CSGALNACT1: variants seen among roughly 807,000 people sequenced by gnomAD.
CSGALNACT1 encodes chondroitin sulfate N-acetylgalactosaminyltransferase 1, also known as beta4GalNAcT-1.
A neutral mutation model predicts 51.0 loss-of-function variants in CSGALNACT1; 52 were observed. The ratio of observed to expected loss-of-function variants is 1.02; its 90% confidence interval spans 0.82 to 1.29. The LOEUF (loss-of-function observed/expected upper bound fraction) is 1.29, where lower values mean the gene tolerates loss of function less well. CSGALNACT1 is among the 50% of genes most tolerant of loss of function. The probability of loss-of-function intolerance (pLI) is 0.00; values close to 1 mark genes in which losing one functional copy is unlikely to be tolerated. For missense variants in CSGALNACT1, 935 were observed against 679.2 expected, an observed-to-expected ratio of 1.38 and a Z score of -4.19; for synonymous variants, 341 against 254.4, an observed-to-expected ratio of 1.34 and a Z score of -3.24.
At chr8:19,553,161 C>T (rs975399553) in intron 3 of CSGALNACT1, among the ~76,000 whole-genome samples, 1 of 152,124 alleles carries the variant, frequency 6.6e-6, no homozygotes, top group African/African-American at 2.4e-5. Context: ...AACAAAACAA[C>T]ATTTCTAAAA....
intron 1 of CSGALNACT1, among the ~76,000 whole-genome samples, chr8:19,643,413 G>C (rs73214668): frequency 0.019 from 2,924 of 152,274 alleles, 53 homozygotes; most frequent in South Asian, 0.045. Flanking sequence ...AAGGCAGTAG[G>C]ATGACTTGAG....
chr8:19,666,690 T>C (rs928332560), intron 1 of CSGALNACT1, among the ~76,000 whole-genome samples: 4 of 142,298 alleles, frequency 2.8e-5, no homozygotes, highest in African/African-American at 1.1e-4. Context: ...AAACCAAGAC[T>C]GTCCCGGGAG....
intron 1 of CSGALNACT1, among the ~76,000 whole-genome samples, chr8:19,682,009 C>T (rs977700329): frequency 6.6e-6 from 1 of 152,312 alleles, no homozygotes; most frequent in African/African-American, 2.4e-5. Flanking sequence ...GAGGTGTAGA[C>T]AGACTTGGGA....
intron 3 of CSGALNACT1, among the ~76,000 whole-genome samples, chr8:19,566,560 T>C (rs2041948364): frequency 6.6e-6 from 1 of 152,176 alleles, no homozygotes; most frequent in Non-Finnish European, 1.5e-5. Flanking sequence ...ACAATAAATA[T>C]TAGTTACCAA....
intron 3 of CSGALNACT1, among the ~76,000 whole-genome samples, chr8:19,559,664 A>G (rs35989102): frequency 0.12 from 18,078 of 152,142 alleles, 1,299 homozygotes; most frequent in African/African-American, 0.21. Context: ...ATAAAAGCAA[A>G]CCGAAAATGA....
At chr8:19,585,595 T>A (rs1231470948) in intron 3 of CSGALNACT1, among the ~76,000 whole-genome samples, 1 of 152,098 alleles carries the variant, frequency 6.6e-6, no homozygotes, top group Non-Finnish European at 1.5e-5. Flanking sequence ...CTTTACTATC[T>A]CCCTATTAAT....
exon 4 of CSGALNACT1, chr8:19,505,892 G>C (rs762416631): frequency 6.3e-7 from 1 of 1,596,750 alleles, no homozygotes; most frequent in Non-Finnish European, 8.5e-7. Context: ...GGGCCCCCAC[G>C]GAAGGGCTTC....
At chr8:19,540,372 C>T (rs2084810689) in intron 3 of CSGALNACT1, among the ~76,000 whole-genome samples, 2 of 152,290 alleles carry the variant, frequency 1.3e-5, no homozygotes, top group African/African-American at 4.8e-5. Flanking sequence ...TAAAGTAGGT[C>T]TTCTACACCC....
chr8:19,636,284 TCTAA>T (rs2154173436), intron 1 of CSGALNACT1, among the ~76,000 whole-genome samples: 1 of 152,348 alleles, frequency 6.6e-6, no homozygotes, highest in East Asian at 1.9e-4. Flanking sequence ...GTTGGTAATC[TCTAA>T]CTGTGCCTGA....
intron 1 of CSGALNACT1, among the ~76,000 whole-genome samples, chr8:19,657,761 G>C (rs1367561451): frequency 6.6e-6 from 1 of 152,204 alleles, no homozygotes; most frequent in East Asian, 1.9e-4. Flanking sequence ...GCTAGGAGAT[G>C]AGGACAGACG....
rs755171105 is a variant in CSGALNACT1 at position 19,586,961 on chromosome 8, T to A, written c.-297+4199A>T. Among the ~76,000 whole-genome samples the A allele has an allele frequency of 2.7e-4, 41 of 152,220 alleles. 1 individual carries two copies. The highest frequency in any genetic ancestry group is 2.1e-4 in the South Asian group (1 of 4,828). ...AACTCTAGTAATCTCCAGGAAACAC[T>A]CTGGGAAACGCTGGTCTCATGTGCT... On this transcript the variant is annotated intron_variant, in intron 3 of 9. Coordinates refer to ENST00000454498, the Ensembl canonical transcript of CSGALNACT1.
At chr8:19,417,988 C>T (rs2057216194) in intron 8 of CSGALNACT1, among the ~76,000 whole-genome samples, 1 of 152,192 alleles carries the variant, frequency 6.6e-6, no homozygotes. Flanking sequence ...TCTCACCCTA[C>T]AGGGACCCTT....
intron 4 of CSGALNACT1, among the ~76,000 whole-genome samples, chr8:19,488,183 C>T (rs1341681018): frequency 1.3e-5 from 2 of 151,628 alleles, no homozygotes; most frequent in African/African-American, 4.8e-5. Flanking sequence ...AACTCCATCT[C>T]TATTGAAAAT....
chr8:19,577,812 C>T (rs1011692022), intron 3 of CSGALNACT1, among the ~76,000 whole-genome samples: 9 of 152,150 alleles, frequency 5.9e-5, no homozygotes, highest in African/African-American at 2.2e-4. Context: ...AACTGTAAAA[C>T]TGTAAAGTTA....
chr8:19,430,600 T>C (rs2059509958), intron 6 of CSGALNACT1, among the ~76,000 whole-genome samples: 1 of 152,220 alleles, frequency 6.6e-6, no homozygotes, highest in South Asian at 2.1e-4. Flanking sequence ...TCTTAACTAC[T>C]GTAATTTTAT....
chr8:19,608,935 G>T (rs1035601604), intron 1 of CSGALNACT1, among the ~76,000 whole-genome samples: 1 of 152,140 alleles, frequency 6.6e-6, no homozygotes, highest in Non-Finnish European at 1.5e-5. Flanking sequence ...TGCAAAAATG[G>T]ACTTGCCTCC....
intron 1 of CSGALNACT1, among the ~76,000 whole-genome samples, chr8:19,631,180 G>A (rs2055202998): frequency 6.6e-6 from 1 of 151,994 alleles, no homozygotes; most frequent in Non-Finnish European, 1.5e-5. Flanking sequence ...AGATTTTTGT[G>A]TGCACCTAAG....
chr8:19,621,241 T>G (rs2053785305), intron 1 of CSGALNACT1, among the ~76,000 whole-genome samples: 1 of 152,096 alleles, frequency 6.6e-6, no homozygotes, highest in Non-Finnish European at 1.5e-5. Flanking sequence ...GTCAGAGGTG[T>G]GCTGGCAAAT....
chr8:19,706,666 C>A (rs1168665520), intron 1 of CSGALNACT1, among the ~76,000 whole-genome samples: 2 of 152,160 alleles, frequency 1.3e-5, no homozygotes, highest in Non-Finnish European at 2.9e-5. Flanking sequence ...GCAGGTCAGG[C>A]TCCTCCTTGT....
Sources: gnomAD v4.1 joint callset for allele counts (sites outside exome capture counted in the v4.1 genomes callset) on GRCh38, gnomAD v4.1.1 for gene constraint, MANE v1.5 for transcripts, NCBI Gene and HGNC (gene_info 2026-07-23, HGNC 2026-07-21) for gene names.